The following SNX24 variants were observed in gnomAD, a reference collection of about 807,000 sequenced individuals.
SNX24 encodes sorting nexin-24.
A neutral mutation model predicts 28.7 loss-of-function variants in SNX24; 22 were observed. The ratio of observed to expected loss-of-function variants is 0.77; its 90% CI spans 0.55 to 1.10. The LOEUF (loss-of-function observed/expected upper bound fraction) is 1.10. SNX24 is among the 50% of genes least tolerant of loss of function. The pLI is 0.00. For missense variants in SNX24, 221 were observed against 201.1 expected (o/e 1.10, Z -0.60); for synonymous variants, 69 against 71.5 (o/e 0.96, Z 0.18).
At chr5:122,957,254 A>C (rs374024820) in intron 3 of SNX24, among the ~76,000 whole-genome samples, 1 of 152,216 alleles carries the variant, frequency 6.6e-6, no homozygotes, top group East Asian at 1.9e-4. Flanking sequence ...TTTTCCTAGC[A>C]CAATTTGTTG....
intron 1 of SNX24, among the ~76,000 whole-genome samples, chr5:122,894,842 T>C (rs1757133830): frequency 6.6e-6 from 1 of 152,108 alleles, no homozygotes; most frequent in East Asian, 1.9e-4. Context: ...AGAAGTGGGG[T>C]GAGACAAATA....
At chr5:122,950,322 G>A (rs1244384666) in intron 3 of SNX24, among the ~76,000 whole-genome samples, 3 of 152,200 alleles carry the variant, frequency 2.0e-5, no homozygotes, top group African/African-American at 7.2e-5. Context: ...TTGTATGTGT[G>A]TGTGTTTGTA....
intron 1 of SNX24, among the ~76,000 whole-genome samples, chr5:122,899,529 C>G (rs1403110135): frequency 1.3e-5 from 2 of 152,146 alleles, no homozygotes; most frequent in Admixed American, 6.6e-5. Flanking sequence ...CCATCTTAGC[C>G]TCCCAAATAG....
chr5:122,963,238 A>C (rs1309299081), intron 3 of SNX24, among the ~76,000 whole-genome samples: 1 of 152,140 alleles, frequency 6.6e-6, no homozygotes, highest in Non-Finnish European at 1.5e-5. Flanking sequence ...TGTCTCAAAA[A>C]TTAATTAATT....
At chr5:122,926,350 A>G (rs1367186069) in intron 1 of SNX24, among the ~76,000 whole-genome samples, 1 of 152,114 alleles carries the variant, frequency 6.6e-6, no homozygotes, top group Admixed American at 6.6e-5. Context: ...GAAAAGGGCC[A>G]CTTTGGCTGC....
intron 3 of SNX24, among the ~76,000 whole-genome samples, chr5:122,950,536 C>T (rs1759894026): frequency 1.3e-5 from 2 of 152,190 alleles, no homozygotes; most frequent in South Asian, 2.1e-4. Context: ...CCAGACCTCA[C>T]CTACTCTTAG....
At chr5:122,977,088 T>A (rs1286783604) in intron 3 of SNX24, among the ~76,000 whole-genome samples, 1 of 152,228 alleles carries the variant, frequency 6.6e-6, no homozygotes, top group Non-Finnish European at 1.5e-5. Flanking sequence ...ATGGTTATTT[T>A]GCTTTGAGAT....
chr5:122,880,474 A>G (rs1337015486), intron 1 of SNX24, among the ~76,000 whole-genome samples: 2 of 152,190 alleles, frequency 1.3e-5, no homozygotes, highest in Non-Finnish European at 2.9e-5. Context: ...TACAATAACC[A>G]GATAGCTGGA....
intron 3 of SNX24, among the ~76,000 whole-genome samples, chr5:122,981,700 C>T (rs1053417392): frequency 3.9e-5 from 6 of 152,174 alleles, no homozygotes; most frequent in Admixed American, 2.0e-4. Context: ...TTTTTTGAGA[C>T]GCAGTCTCGC....
At chr5:123,016,699 G>A (rs577228970) in intron 5 of SNX24, among the ~76,000 whole-genome samples, 13 of 152,146 alleles carry the variant, frequency 8.5e-5, no homozygotes, top group Non-Finnish European at 1.6e-4. Context: ...AAGTGAACTC[G>A]CTGATGGATT....
chr5:123,002,635 A>C (rs1016817256), intron 6 of SNX24, among the ~76,000 whole-genome samples: 4 of 152,258 alleles, frequency 2.6e-5, no homozygotes, highest in African/African-American at 9.6e-5. Context: ...CCGTCTCAAA[A>C]AAAAGCCTCT....
At chr5:122,930,969 T>C (rs1758927950) in intron 1 of SNX24, among the ~76,000 whole-genome samples, 2 of 152,162 alleles carry the variant, frequency 1.3e-5, no homozygotes, top group African/African-American at 4.8e-5. Context: ...AGGAAAAAAA[T>C]TGATTTTGTT....
intron 1 of SNX24, among the ~76,000 whole-genome samples, chr5:122,907,867 C>T (rs1757708253): frequency 6.6e-6 from 1 of 151,284 alleles, no homozygotes; most frequent in Non-Finnish European, 1.5e-5. Context: ...TATAACTGGG[C>T]AGTTATAGCT....
chr5:123,008,385 A>T lies in SNX24; in HGVS notation c.*636A>T. 1.4e-6 allele frequency: 1 copy of T among 733,586 alleles called. No homozygotes were observed. The highest frequency in any genetic ancestry group is 1.7e-6 in the Non-Finnish European group (1 of 599,964). The allele number at this position is 733,586 out of a possible 1,614,324, so 45.4% of individuals were successfully genotyped here. A position where few individuals can be genotyped will look rare whatever the true frequency, so the allele number is the denominator to read the frequency against. On this transcript the variant is annotated 3_prime_UTR_variant, in exon 7 of 7. Coordinates refer to ENST00000261369, the MANE Select transcript of SNX24 (RefSeq NM_014035.4). ...AGGGGTTAGCTTCCAAGGTCAGTAC[A>T]TAGGTAAAATGGGCTATTAGGATGA...
intron 5 of SNX24, among the ~76,000 whole-genome samples, chr5:123,026,290 G>A (rs1340894709): frequency 6.6e-6 from 1 of 152,166 alleles, no homozygotes; most frequent in African/African-American, 2.4e-5. Context: ...CTGAAGGGCA[G>A]GAAAACATCC....
intron 1 of SNX24, among the ~76,000 whole-genome samples, chr5:122,888,533 A>G (rs1399995198): frequency 6.6e-6 from 1 of 152,220 alleles, no homozygotes; most frequent in Non-Finnish European, 1.5e-5. Flanking sequence ...TCTGGATCAT[A>G]ATAAGCACTT....
At chr5:123,013,703 T>C (rs1762632937), downstream of SNX24, among the ~76,000 whole-genome samples, 1 of 152,194 alleles carries the variant, frequency 6.6e-6, no homozygotes, top group Admixed American at 6.5e-5. Flanking sequence ...CATTTTCTGT[T>C]TTCATTACAC....
intron 3 of SNX24, among the ~76,000 whole-genome samples, chr5:122,995,870 T>C (rs1295995908): frequency 6.6e-6 from 1 of 152,152 alleles, no homozygotes; most frequent in Non-Finnish European, 1.5e-5. Context: ...ATCCCATCGC[T>C]ACCCTGCAGT....
At chr5:122,989,760 A>G (rs1761753712) in intron 3 of SNX24, among the ~76,000 whole-genome samples, 1 of 152,234 alleles carries the variant, frequency 6.6e-6, no homozygotes, top group South Asian at 2.1e-4. Context: ...ATTCTTGTGT[A>G]TAGGTCCCTG....
Sources: gnomAD v4.1 joint callset for allele counts (sites outside exome capture counted in the v4.1 genomes callset) on GRCh38, gnomAD v4.1.1 for gene constraint, MANE v1.5 for transcripts, NCBI Gene and HGNC (gene_info 2026-07-23, HGNC 2026-07-21) for gene names.